PDPR: variants seen among roughly 807,000 people sequenced by gnomAD.
PDPR encodes pyruvate dehydrogenase phosphatase regulatory subunit, mitochondrial.
A neutral mutation model predicts 102.2 loss-of-function variants in PDPR; 50 were observed. That is an observed-to-expected ratio of 0.49 (90% CI 0.39 to 0.62). The LOEUF is 0.62. Ranked by LOEUF, PDPR falls within the 20% of genes least tolerant of loss-of-function variation. The pLI is 0.00. For missense variants in PDPR, 625 were observed against 1,098.2 expected (o/e 0.57, Z 6.09); for synonymous variants, 259 against 406.0 (o/e 0.64, Z 4.35).
In PDPR at chr16:70,157,202, T is replaced by C; in HGVS notation, c.*323T>C. ...GGACATGAGTGATGGTGACAGCTGC[T>C]TTCAAATTCTGCATCTCAAGGCAGG... On this transcript the variant is annotated 3_prime_UTR_variant, in exon 19 of 19. Transcript: ENST00000288050. 1 of 580,492 alleles carries C rather than the reference T, an allele frequency of 1.7e-6. No homozygotes were observed. Among genetic ancestry groups the C allele is most frequent in the Non-Finnish European group, 3.2e-6 (1 of 309,824 alleles). The allele number at this position is 580,492 out of a possible 1,614,324, so 36.0% of individuals were successfully genotyped here.
In PDPR at chr16:70,120,579, G is replaced by C. The variant is rs766890070; in HGVS notation, c.87G>C (p.Thr29=). 6.2e-6 allele frequency: 10 copies of C among 1,613,782 alleles called. No homozygotes were observed. The highest frequency in any genetic ancestry group is 8.5e-6 in the Non-Finnish European group (10 of 1,179,732). ...WQNWSSARNS[T]SAAEARSMAL... ...ACTGGTCCTCTGCAAGAAACAGCAC[G>C]TCAGCTGCCGAGGCGCGTTCCATGG... The change falls in exon 3 of 19, where the codon ACG becomes ACC. Residue 29 remains threonine, a synonymous_variant. Transcript: ENST00000288050.
rs760629613 is a variant in PDPR, at chr16:70,156,911, C to A, written c.*32C>A. 30 of 1,605,938 alleles carry A rather than the reference C, an allele frequency of 1.9e-5. No homozygotes were observed. The South Asian group carries it at 3.2e-4, about 17-fold the overall frequency. ...CAGGGCAGCCTCACCTCCTCCCCATCATCTTGTCCTAGAGTGGGCGTCACC... is the reference window on the plus strand; with the variant it reads ...CAGGGCAGCCTCACCTCCTCCCCATAATCTTGTCCTAGAGTGGGCGTCACC... On this transcript the variant is annotated 3_prime_UTR_variant, in exon 19 of 19. Coordinates refer to ENST00000288050, the MANE Select transcript of PDPR (RefSeq NM_017990.5).
chr16:70,125,663 C>G (rs1189443699), intron 3 of PDPR, among the ~76,000 whole-genome samples: 1 of 149,794 alleles, frequency 6.7e-6, no homozygotes, highest in African/African-American at 2.5e-5. Context: ...AAGATGGAGT[C>G]TTGCTCTGTC....
intron 3 of PDPR, among the ~76,000 whole-genome samples, chr16:70,123,527 C>T (rs1963578506): frequency 6.6e-6 from 1 of 152,274 alleles, no homozygotes; most frequent in Admixed American, 6.5e-5. Flanking sequence ...TGTGGGCCGC[C>T]ACACTTGGCC....
chr16:70,117,977 C>T (rs534613487), intron 2 of PDPR, among the ~76,000 whole-genome samples: 2 of 151,926 alleles, frequency 1.3e-5, no homozygotes, highest in African/African-American at 4.8e-5. Context: ...CTTGTAGTTC[C>T]AGCTGTTCAG....
chr16:70,145,195 G>C (rs763010167), intron 15 of PDPR, among the ~76,000 whole-genome samples: 2 of 152,228 alleles, frequency 1.3e-5, no homozygotes, highest in Non-Finnish European at 2.9e-5. Flanking sequence ...AGAGGTTGCA[G>C]TGAGCCAAGA....
intron 14 of PDPR, among the ~76,000 whole-genome samples, chr16:70,144,104 C>A (rs1211367204): frequency 6.6e-6 from 1 of 151,968 alleles, no homozygotes; most frequent in Non-Finnish European, 1.5e-5. Flanking sequence ...ATTGCCCAGG[C>A]TGATCTTGAA....
At position 70,128,354 on chromosome 16, in the gene PDPR, G is replaced by A. The variant is rs1290627520; in HGVS notation, c.362-430G>A. ...GCAATTCTCCTGCCTCAGCCTTCCC[G>A]GTAGCTGGGATTACAGGCGTGCACC... On this transcript the variant is annotated intron_variant, in intron 4 of 18. Transcript: ENST00000288050. Among the ~76,000 whole-genome samples the A allele has an allele frequency of 3.9e-5, 6 of 152,164 alleles. No homozygotes were observed. In the East Asian group the frequency reaches 5.8e-4, roughly 15 times the overall value.
At chr16:70,137,613 C>T (rs1019230937) in intron 10 of PDPR, among the ~76,000 whole-genome samples, 6 of 152,360 alleles carry the variant, frequency 3.9e-5, no homozygotes, top group Admixed American at 6.5e-5. Flanking sequence ...TGTGAATGTA[C>T]CCACTGCCAC....
chr16:70,150,765 G>A (rs2152117163), intron 17 of PDPR, among the ~76,000 whole-genome samples: 1 of 152,358 alleles, frequency 6.6e-6, no homozygotes, highest in African/African-American at 2.4e-5. Flanking sequence ...TCTCACGTCA[G>A]CCTCCCAAAG....
At chr16:70,138,064 G>A (rs1041680273) in intron 10 of PDPR, among the ~76,000 whole-genome samples, 4 of 104,904 alleles carry the variant, frequency 3.8e-5, no homozygotes, top group South Asian at 5.7e-4. Flanking sequence ...TTTTTGAAAC[G>A]AAGTTTTGCT....
At chr16:70,141,621 G>A (rs1268224409) in intron 11 of PDPR, among the ~76,000 whole-genome samples, 1 of 152,276 alleles carries the variant, frequency 6.6e-6, no homozygotes, top group East Asian at 1.9e-4. Context: ...GCTTGGTAAG[G>A]TTTAGGACCC....
chr16:70,126,199 T>C (rs999688668), intron 3 of PDPR, among the ~76,000 whole-genome samples: 1 of 152,278 alleles, frequency 6.6e-6, no homozygotes, highest in Non-Finnish European at 1.5e-5. Flanking sequence ...TTCCATTGTA[T>C]AGATGAATTC....
chr16:70,128,079 A>C (rs1442971698), intron 4 of PDPR, among the ~76,000 whole-genome samples: 1 of 152,276 alleles, frequency 6.6e-6, no homozygotes, highest in Non-Finnish European at 1.5e-5. Context: ...GGGAAGAAGA[A>C]GGGAGAATCC....
chr16:70,124,977 G>A (rs8053749), intron 3 of PDPR, among the ~76,000 whole-genome samples: 26,032 of 145,406 alleles, frequency 0.18, no homozygotes, highest in Middle Eastern at 0.21. Flanking sequence ...TAGCATTACT[G>A]TAGCCTTTAT....
chr16:70,141,988 T>A (rs555952787), intron 11 of PDPR, among the ~76,000 whole-genome samples: 1 of 152,312 alleles, frequency 6.6e-6, no homozygotes, highest in South Asian at 2.1e-4. Context: ...TAATCCCAGC[T>A]ACTCGGGAGG....
Position 70,136,196 on chromosome 16 carries a change from C to A in PDPR, c.1000C>A (p.Pro334Thr). ...TTGGTTTTGTTGTCATTGCTCAGAGCCTCTGTTGAGTTCCCTTCTGAGGAG... is the reference window on the plus strand; with the variant it reads ...TTGGTTTTGTTGTCATTGCTCAGAGACTCTGTTGAGTTCCCTTCTGAGGAG... The part of the protein sequence containing the change: ...NLQEDWDHFE[P>T]LLSSLLRRMP... The change falls in exon 10 of 19, where the codon CCT (proline) becomes ACT (threonine). Residue 334 changes from proline (P) to threonine (T), a missense_variant and splice_region_variant. Pro to Thr is a conservative substitution (Grantham distance 38, BLOSUM62 -1). Transcript: ENST00000288050. 1 of 1,567,090 alleles carries A rather than the reference C, an allele frequency of 6.4e-7. No homozygotes were observed. The highest frequency in any genetic ancestry group is 1.1e-5 in the South Asian group (1 of 88,308).
chr16:70,126,006 A>G (rs1240551950), intron 3 of PDPR, among the ~76,000 whole-genome samples: 5 of 152,274 alleles, frequency 3.3e-5, no homozygotes, highest in East Asian at 1.9e-4. Context: ...CTCTACTTCT[A>G]TAAGCAATTA....
chr16:70,156,344 G>A (rs1450813261), intron 18 of PDPR, 131 bp from the exon 19 acceptor site: 11 of 1,131,754 alleles, frequency 9.7e-6, no homozygotes, highest in African/African-American at 3.2e-5. Context: ...TTTCCCAAAA[G>A]CTGGCAGGGT....
Sources: gnomAD v4.1 joint callset for allele counts (sites outside exome capture counted in the v4.1 genomes callset) on GRCh38, gnomAD v4.1.1 for gene constraint, MANE v1.5 for transcripts, NCBI Gene and HGNC (gene_info 2026-07-23, HGNC 2026-07-21) for gene names.